Variants in OTUD7A observed in about 807,000 individuals in gnomAD.
The protein encoded by OTUD7A is OTU domain-containing protein 7A.
OTUD7A carries 12 observed loss-of-function variants against 65.7 expected under a neutral mutation model. The observed-to-expected ratio is 0.18, with a 90% CI of 0.12 to 0.30. OTUD7A has a LOEUF of 0.30. Among genes scored for constraint, OTUD7A ranks in the 10% least tolerant of loss-of-function variants. OTUD7A has a pLI of 1.00. For missense variants in OTUD7A, 1,148 were observed against 1,304.8 expected (o/e 0.88, Z 1.85); for synonymous variants, 641 against 586.3 (o/e 1.09, Z -1.35).
chr15:31,627,942 G>T (rs934596653), intron 3 of OTUD7A, among the ~76,000 whole-genome samples: 22 of 151,826 alleles, frequency 1.4e-4, no homozygotes, highest in Non-Finnish European at 2.7e-4. Context: ...GGGGTTGTTT[G>T]TTTTTTTTCT....
intron 1 of OTUD7A, among the ~76,000 whole-genome samples, chr15:31,861,115 G>A (rs954032657): frequency 1.3e-5 from 2 of 152,048 alleles, no homozygotes; most frequent in African/African-American, 4.8e-5. Context: ...CAGCACTTTG[G>A]GAGAACTAGG....
At chr15:31,770,099 C>CAGAACAG (rs1344628205) in intron 1 of OTUD7A, among the ~76,000 whole-genome samples, 1 of 151,882 alleles carries the variant, frequency 6.6e-6, no homozygotes, top group Non-Finnish European at 1.5e-5. Context: ...CAACGAAGAC[C>CAGAACAG]AGAACAGAAA....
chr15:31,723,005 T>C (rs901237955), intron 1 of OTUD7A, among the ~76,000 whole-genome samples: 7 of 152,196 alleles, frequency 4.6e-5, no homozygotes, highest in African/African-American at 1.7e-4. Flanking sequence ...TCAGCGTTGC[T>C]GGAAAGATGA....
At position 31,484,364 on chromosome 15, in the gene OTUD7A, T is replaced by C. The variant is rs1049427083; in HGVS notation, c.1732A>G (p.Ser578Gly). Reference sequence around the variant, plus strand: ...GCCGACGCACCAGACTCCTCCTTGCTGCCCTTGCGCGACTTGGCCTTCTTC... The same window carrying C: ...GCCGACGCACCAGACTCCTCCTTGCCGCCCTTGCGCGACTTGGCCTTCTTC... The part of the protein sequence containing the change: ...KEKKAKSRKG[S>G]KEESGASAST... Residue 578 changes from serine (S) to glycine (G), a missense_variant, in exon 13 of 13, where the codon AGC becomes GGC. This residue lies in a region of OTUD7A where 842 missense variants were observed against 769.5 expected (regional missense o/e 1.09). Coordinates refer to ENST00000307050, the MANE Select transcript of OTUD7A (RefSeq NM_001382637.1). The surrounding 1 kb of genome is among the most constrained non-coding windows in gnomAD (Gnocchi z 4.5). 1 of 1,601,100 alleles carries C rather than the reference T, an allele frequency of 6.2e-7. No homozygotes were observed. Among genetic ancestry groups the C allele is most frequent in the Non-Finnish European group, 8.5e-7 (1 of 1,179,642 alleles).
intron 1 of OTUD7A, among the ~76,000 whole-genome samples, chr15:31,820,028 G>C (rs946266111): frequency 3.9e-5 from 6 of 152,078 alleles, no homozygotes; most frequent in African/African-American, 1.4e-4. Flanking sequence ...CAGATGCAAA[G>C]GCTGATTAAA....
chr15:31,550,103 G>GA (rs11413883), intron 5 of OTUD7A, among the ~76,000 whole-genome samples: 20,706 of 127,144 alleles, frequency 0.16, 4,972 homozygotes, highest in African/African-American at 0.53. Flanking sequence ...CTGTCTCCAG[G>GA]AAAAAAAAAA....
At position 31,484,311 on chromosome 15, in the gene OTUD7A, C is replaced by T. The variant is rs1469785576; in HGVS notation, c.1785G>A (p.Thr595=). 2.5e-6 allele frequency: 4 copies of T among 1,597,618 alleles called. No individual in the cohort carries two copies. The highest frequency in any genetic ancestry group is 1.7e-5 in the Admixed American group (1 of 59,156). The change falls in exon 13 of 13, where the codon ACG becomes ACA. Residue 595 remains threonine (T), a synonymous_variant. Transcript: ENST00000307050. This position sits in a 1 kb window ranked among gnomAD's most constrained non-coding sequence, Gnocchi z 4.5. The stretch of plus-strand genomic sequence containing the variant: ...CCGCTGCCTTGTCTGTGGGCGACGG[C>T]GTGGTCTTTTCCGACGGCGACGTGC... ...SASTSPSEKT[T]PSPTDKAAGA... is the part of the protein sequence containing the mutation.
At chr15:31,688,537 A>C (rs1174777627) in intron 1 of OTUD7A, among the ~76,000 whole-genome samples, 3 of 152,080 alleles carry the variant, frequency 2.0e-5, no homozygotes, top group Non-Finnish European at 4.4e-5. Context: ...GCAGGGAAAA[A>C]CAGCTATGAT....
At chr15:31,807,783 T>C (rs1595783333) in intron 1 of OTUD7A, among the ~76,000 whole-genome samples, 1 of 152,006 alleles carries the variant, frequency 6.6e-6, no homozygotes, top group African/African-American at 2.4e-5. Flanking sequence ...GGAAATCATA[T>C]ACCAACCACC....
chr15:31,813,327 C>T (rs544585984), intron 1 of OTUD7A, among the ~76,000 whole-genome samples: 1 of 152,296 alleles, frequency 6.6e-6, no homozygotes, highest in East Asian at 1.9e-4. Context: ...AGTAGAAACT[C>T]AATAAATTTT....
intron 1 of OTUD7A, chr15:31,689,209 G>T: frequency 7.0e-6 from 1 of 143,690 alleles, no homozygotes; most frequent in Non-Finnish European, 1.5e-5. Flanking sequence ...TACATTTCAT[G>T]ACTCTTTCTC....
At chr15:31,709,752 A>G (rs984561834) in intron 1 of OTUD7A, among the ~76,000 whole-genome samples, 80 of 152,210 alleles carry the variant, frequency 5.3e-4, no homozygotes, top group African/African-American at 1.9e-3. Context: ...TGCCCATGAA[A>G]GAGGACTGTG....
intron 1 of OTUD7A, among the ~76,000 whole-genome samples, chr15:31,843,923 A>G (rs1424916383): frequency 2.6e-5 from 4 of 152,136 alleles, no homozygotes; most frequent in African/African-American, 9.7e-5. Flanking sequence ...CACGGTTCGC[A>G]CTGTGAGGAC....
At chr15:31,675,544 A>G (rs536509245) in intron 1 of OTUD7A, among the ~76,000 whole-genome samples, 30 of 152,320 alleles carry the variant, frequency 2.0e-4, no homozygotes, top group African/African-American at 7.2e-4. Context: ...CTTTTTTTCT[A>G]CTTATTAAAT....
At chr15:31,838,691 A>G (rs1293382772) in intron 1 of OTUD7A, among the ~76,000 whole-genome samples, 6 of 138,906 alleles carry the variant, frequency 4.3e-5, no homozygotes, top group Non-Finnish European at 9.3e-5. Context: ...ATCTTGAGGG[A>G]CCCCCATTAC....
At chr15:31,531,652 GA>G (rs1887627249) in intron 5 of OTUD7A, among the ~76,000 whole-genome samples, 1 of 151,712 alleles carries the variant, frequency 6.6e-6, no homozygotes, top group Admixed American at 6.6e-5. Context: ...AAACATCACA[GA>G]AAAAATTATA....
chr15:31,695,594 T>G (rs1030727685), intron 1 of OTUD7A, among the ~76,000 whole-genome samples: 1 of 150,624 alleles, frequency 6.6e-6, no homozygotes, highest in Admixed American at 6.7e-5. Context: ...TGCTAGGAGG[T>G]GTAGGCCACG....
intron 1 of OTUD7A, among the ~76,000 whole-genome samples, chr15:31,666,997 T>C (rs1737780958): frequency 6.6e-6 from 1 of 152,218 alleles, no homozygotes; most frequent in South Asian, 2.1e-4. Flanking sequence ...GAGAGAGTGC[T>C]TGATATACTT....
chr15:31,609,143 G>C (rs913105069), intron 3 of OTUD7A, among the ~76,000 whole-genome samples: 3 of 152,180 alleles, frequency 2.0e-5, no homozygotes, highest in African/African-American at 7.2e-5. Context: ...CACAGGGATC[G>C]GGGGGCAGTC....
Sources: allele counts gnomAD v4.1 joint callset (sites outside exome capture counted in the v4.1 genomes callset), GRCh38; gene constraint gnomAD v4.1.1; regional missense constraint gnomAD v4.1.1; non-coding constraint Gnocchi (gnomAD v3.1); transcripts MANE v1.5; gene names NCBI Gene and HGNC (gene_info 2026-07-23, HGNC 2026-07-21).